The following MED1 variants were observed in gnomAD, a reference collection of about 807,000 sequenced individuals.
MED1 encodes mediator complex subunit 1, also known as mediator of RNA polymerase II transcription subunit 1.
In MED1, 17 loss-of-function variants were observed where a neutral mutation model predicts 121.3. The ratio of observed to expected loss-of-function variants is 0.14; its 90% CI spans 0.10 to 0.21. The LOEUF is 0.21. Ranked by LOEUF, MED1 falls within the 10% of genes least tolerant of loss-of-function variation. MED1 has a pLI of 1.00. For synonymous variants in MED1, 661 were observed against 694.4 expected (o/e 0.95, Z 0.76); for missense variants, 1,558 against 1,919.4 (o/e 0.81, Z 3.52).
At chr17:39,412,296 T>C (rs2048363965) in intron 16 of MED1, among the ~76,000 whole-genome samples, 1 of 150,156 alleles carries the variant, frequency 6.7e-6, no homozygotes, top group South Asian at 2.1e-4. Context: ...TGGCGCGATC[T>C]TGGCTCACTG....
intron 13 of MED1, among the ~76,000 whole-genome samples, chr17:39,420,522 A>G (rs1014188650): frequency 6.6e-6 from 1 of 151,934 alleles, no homozygotes; most frequent in African/African-American, 2.4e-5. Flanking sequence ...ATTTTTAATA[A>G]AACACCTATA....
rs1010556232 is a variant in MED1, at chr17:39,405,638, T to C, written c.*1837A>G. On this transcript the variant is annotated 3_prime_UTR_variant, in exon 17 of 17. Coordinates refer to ENST00000300651, the MANE Select transcript of MED1 (RefSeq NM_004774.4). ...TAGTGTCACCCAAGACATTTGACTC[T>C]GATGTGGTTAATTGATAACTTTTCT... The C allele has an allele frequency of 3.9e-5, 42 of 1,074,080 alleles. No homozygotes were observed. In the South Asian group the frequency reaches 1.2e-3, roughly 32 times the overall value. 66.5% of individuals were successfully genotyped at this position (1,074,080 alleles called of 1,614,324 possible).
intron 10 of MED1, among the ~76,000 whole-genome samples, chr17:39,425,345 C>G (rs941653038): frequency 1.3e-5 from 2 of 152,148 alleles, no homozygotes; most frequent in African/African-American, 4.8e-5. Flanking sequence ...AATGCACCAC[C>G]ATGCCTGGCT....
chr17:39,436,220 G>A (rs2048617205), intron 6 of MED1, among the ~76,000 whole-genome samples: 3 of 151,842 alleles, frequency 2.0e-5, no homozygotes, highest in Admixed American at 1.3e-4. Flanking sequence ...AATTATCCGG[G>A]CATGGTGGCA....
intron 10 of MED1, among the ~76,000 whole-genome samples, chr17:39,427,023 C>T (rs757349996): frequency 2.0e-5 from 3 of 152,048 alleles, no homozygotes; most frequent in Non-Finnish European, 4.4e-5. Flanking sequence ...TGGGCTCAAG[C>T]AATCCTCCCG....
chr17:39,448,184 T>C (rs1343266290), intron 1 of MED1, among the ~76,000 whole-genome samples: 2 of 150,146 alleles, frequency 1.3e-5, no homozygotes, highest in South Asian at 2.1e-4. Flanking sequence ...ATGACCAGGC[T>C]GGAGTGTCAA....
chr17:39,408,187 T>G lies in MED1; in HGVS notation c.4034A>C (p.Asn1345Thr), dbSNP rs777253424. ...SSSHPMSSKH[N>T]MSGGEFQGKR... is the part of the protein sequence containing the mutation. ...GCCCTGAAACTCTCCTCCTGACATGTTATGTTTGGAGGACATAGGATGGCT... is the reference window on the plus strand; with the variant it reads ...GCCCTGAAACTCTCCTCCTGACATGGTATGTTTGGAGGACATAGGATGGCT... Residue 1345 changes from asparagine to threonine, a missense_variant, in exon 17 of 17, where the codon AAC (asparagine) becomes ACC (threonine). Physicochemically the swap from Asn to Thr is moderately conservative, Grantham distance 65. This residue lies in a region of MED1 where 264 missense variants were observed against 326.1 expected (regional missense o/e 0.81). Transcript: ENST00000300651. The surrounding 1 kb of genome is among the most constrained non-coding windows in gnomAD (Gnocchi z 4.7). 1.2e-6 allele frequency: 2 copies of G among 1,613,954 alleles called. No individual in the cohort carries two copies. The highest frequency in any genetic ancestry group is 1.3e-5 in the African/African-American group (1 of 74,942).
At chr17:39,439,073 TGAG>T (rs1439234631) in intron 6 of MED1, 89 bp downstream of exon 6, 24 of 1,150,634 alleles carry the variant, frequency 2.1e-5, no homozygotes, top group Non-Finnish European at 2.5e-5. Flanking sequence ...AACTTGTTCC[TGAG>T]GAGAATAACT....
chr17:39,440,084 GC>G lies in MED1; in HGVS notation c.399+301del, dbSNP rs1293099982. On this transcript the variant is annotated intron_variant, in intron 5 of 16. Transcript: ENST00000300651. This position sits in a 1 kb window ranked among gnomAD's most constrained non-coding sequence, Gnocchi z 4.1. ...AAGAAAAGAAAAAGAAAGCAAGCAA[GC>G]AAGCAAGAAAGAAAGAAAGAAAAAA... is the stretch of plus-strand genomic sequence containing the variant. Among the ~76,000 whole-genome samples, 60 of 148,950 alleles carry G rather than the reference GC, an allele frequency of 4.0e-4. No homozygotes were observed. The highest frequency in any genetic ancestry group is 1.4e-3 in the African/African-American group (55 of 40,388).
chr17:39,423,533 C>A, intron 12 of MED1, 88 bp from the exon 13 acceptor site: 1 of 1,416,498 alleles, frequency 7.1e-7, no homozygotes, highest in South Asian at 1.2e-5. Flanking sequence ...TTCATTCACC[C>A]AAAAGAGTAC....
intron 8 of MED1, 30 bp from the exon 9 acceptor site, chr17:39,431,218 T>A: frequency 6.5e-7 from 1 of 1,547,044 alleles, no homozygotes; most frequent in African/African-American, 1.4e-5. Context: ...TGTTTGCTTA[T>A]ATTTAATCCC....
intron 9 of MED1, among the ~76,000 whole-genome samples, chr17:39,430,854 CCAA>C (rs1290476612): frequency 6.6e-6 from 1 of 151,856 alleles, no homozygotes; most frequent in Non-Finnish European, 1.5e-5. Flanking sequence ...CCTGTCTCTA[CCAA>C]CAATAGAATA....
chr17:39,425,806 A>G (rs527830644), intron 10 of MED1, among the ~76,000 whole-genome samples: 77 of 118,346 alleles, frequency 6.5e-4, no homozygotes, highest in Admixed American at 1.9e-3. Flanking sequence ...TGTCTGGGGA[A>G]AAAAAAAAAA....
Position 39,409,464 on chromosome 17 carries a change from C to G in MED1, c.2757G>C (p.Lys919Asn). Reference protein sequence around the residue: ...PMLGGDNGETKFKGNNQADTV... With the variant: ...PMLGGDNGETNFKGNNQADTV... The stretch of plus-strand genomic sequence containing the variant: ...TGTCGGCTTGGTTATTGCCCTTAAA[C>G]TTGGTCTCCCCATTATCACCTCCAA... The change falls in exon 17 of 17, where the codon AAG (lysine) becomes AAC (asparagine). Residue 919 changes from lysine (K) to asparagine (N), a missense_variant. Physicochemically the swap from Lys to Asn is moderately conservative, Grantham distance 94 (BLOSUM62 0). Transcript: ENST00000300651. The G allele has an allele frequency of 6.2e-7, 1 of 1,614,110 alleles. No homozygotes were observed. The highest frequency in any genetic ancestry group is 8.5e-7 in the Non-Finnish European group (1 of 1,180,018).
Position 39,410,540 on chromosome 17 carries a change from T to C in MED1, c.1681A>G (p.Thr561Ala). The change falls in exon 17 of 17, where the codon ACT becomes GCT. Residue 561 changes from threonine (T) to alanine (A), a missense_variant. Coordinates refer to ENST00000300651, the MANE Select transcript of MED1 (RefSeq NM_004774.4). ...CCCGGAAAGGTGTTGGTTGGTGTAG[T>C]GGTACCACTCATTGGGTTGTTGCCT... ...TTGNNPMSGT[T>A]TPTNTFPGGP... 6.2e-7 allele frequency: 1 copy of C among 1,614,084 alleles called. No individual in the cohort carries two copies. Among genetic ancestry groups the C allele is most frequent in the Non-Finnish European group, 8.5e-7 (1 of 1,180,020 alleles).
Position 39,408,386 on chromosome 17 carries a change from A to T in MED1, c.3835T>A (p.Ser1279Thr), listed in dbSNP as rs1169142014. The change falls in exon 17 of 17, where the codon TCC (serine) becomes ACC (threonine). Residue 1279 changes from serine (S) to threonine (T), a missense_variant. Transcript: ENST00000300651. The surrounding 1 kb of genome is among the most constrained non-coding windows in gnomAD (Gnocchi z 4.7). The stretch of plus-strand genomic sequence containing the variant: ...TGCTGGTTCTGAGAGGATGACATGG[A>T]AGAGCCACTTGAGGAAAAGGAGGAG... ...SSSSFSSSGS[S>T]MSSSQNQHGS... is the part of the protein sequence containing the mutation. 6.2e-7 allele frequency: 1 copy of T among 1,614,192 alleles called. No homozygotes were observed. Among genetic ancestry groups the T allele is most frequent in the Admixed American group, 1.7e-5 (1 of 60,022 alleles).
intron 16 of MED1, among the ~76,000 whole-genome samples, chr17:39,413,423 C>A (rs987753165): frequency 1.3e-5 from 2 of 152,062 alleles, no homozygotes; most frequent in East Asian, 1.9e-4. Flanking sequence ...CCACCATGCT[C>A]GGTTAATTTT....
intron 9 of MED1, among the ~76,000 whole-genome samples, 196 bp from the exon 10 acceptor site, chr17:39,427,986 G>GC (rs1270640696): frequency 6.6e-6 from 1 of 152,058 alleles, no homozygotes; most frequent in Admixed American, 6.6e-5. Context: ...GGAGGCTCCG[G>GC]CAAGAGGATC....
chr17:39,415,269 G>A lies in MED1; in HGVS notation c.1368C>T (p.His456=), dbSNP rs202145417. Residue 456 remains histidine, a synonymous_variant, in exon 15 of 17, where the codon CAC becomes CAT. Transcript: ENST00000300651. ...SESRFSVSFQ[H]PVNDSLVCVV... The stretch of plus-strand genomic sequence containing the variant: ...CACACACCAGGGAGTCATTCACAGG[G>A]TGCTGAAAAGATACGCTGAAACGAG... 6 of 1,613,738 alleles carry A rather than the reference G, an allele frequency of 3.7e-6. No homozygotes were observed. The highest frequency in any genetic ancestry group is 1.3e-5 in the African/African-American group (1 of 74,930).
Sources: gnomAD v4.1 joint callset for allele counts (sites outside exome capture counted in the v4.1 genomes callset) on GRCh38, gnomAD v4.1.1 for gene constraint, gnomAD v4.1.1 regional missense constraint, Gnocchi (gnomAD v3.1) non-coding constraint, MANE v1.5 for transcripts, NCBI Gene and HGNC (gene_info 2026-07-23, HGNC 2026-07-21) for gene names.